The following FAM169A variants were observed in gnomAD, a reference collection of about 807,000 sequenced individuals.
FAM169A encodes family with sequence similarity 169 member A.
In FAM169A, 24 loss-of-function variants were observed where a neutral mutation model predicts 75.7. The observed-to-expected ratio is 0.32, with a 90% CI of 0.23 to 0.45. FAM169A has a LOEUF of 0.45. Among genes scored for constraint, FAM169A ranks in the 20% least tolerant of loss-of-function variants. The pLI is 1.00. For synonymous variants in FAM169A, 271 were observed against 271.0 expected (o/e 1.00, Z 0.00); for missense variants, 673 against 784.0 (o/e 0.86, Z 1.69).
In FAM169A at chr5:74,859,371, C is replaced by A. The variant is rs111979427; in HGVS notation, c.-4+6794G>T. ...GTGGCACAATCTCAGCTCACTGCAA[C>A]CTCCACCTCCTGGATTCAAGCAATT... On this transcript the variant is annotated intron_variant, in intron 1 of 12. Coordinates refer to ENST00000687041, the MANE Select transcript of FAM169A (RefSeq NM_001376049.1). Among the ~76,000 whole-genome samples, 653 of 141,592 alleles carry A rather than the reference C, an allele frequency of 4.6e-3. 6 individuals carry two copies. The highest frequency in any genetic ancestry group is 8.1e-3 in the Non-Finnish European group (531 of 65,618). The allele number at this position is 141,592 out of a possible 152,430, so 92.9% of individuals were successfully genotyped here.
chr5:74,845,314 C>T (rs1373961860), intron 1 of FAM169A, among the ~76,000 whole-genome samples: 4 of 151,932 alleles, frequency 2.6e-5, no homozygotes, highest in African/African-American at 4.8e-5. Context: ...GTCAGGAGAT[C>T]GAGACCATCC....
intron 6 of FAM169A, among the ~76,000 whole-genome samples, chr5:74,808,047 T>A (rs1280147650): frequency 1.3e-5 from 2 of 152,156 alleles, no homozygotes; most frequent in Non-Finnish European, 2.9e-5. Flanking sequence ...ACAGCCACAG[T>A]GGAAAACAGT....
chr5:74,827,206 T>C (rs917485928), intron 5 of FAM169A, among the ~76,000 whole-genome samples: 3 of 152,166 alleles, frequency 2.0e-5, no homozygotes, highest in African/African-American at 7.2e-5. Context: ...TTTTTCCCTT[T>C]GCAGTTAATA....
chr5:74,819,271 TAC>T (rs1747650196), intron 5 of FAM169A, among the ~76,000 whole-genome samples: 1 of 149,238 alleles, frequency 6.7e-6, no homozygotes, highest in South Asian at 2.1e-4. Context: ...TCAAAGAAGA[TAC>T]ACAAATGGCC....
intron 4 of FAM169A, among the ~76,000 whole-genome samples, chr5:74,837,160 T>C (rs549676904): frequency 6.6e-6 from 1 of 152,192 alleles, no homozygotes; most frequent in Non-Finnish European, 1.5e-5. Context: ...TTCATATCTA[T>C]AATATGCCAA....
In FAM169A at chr5:74,780,411, G is replaced by A. The variant is rs544076090; in HGVS notation, c.*1049C>T. 2.6e-5 allele frequency: 4 copies of A among 152,386 alleles called. No individual in the cohort carries two copies. Among genetic ancestry groups the A allele is most frequent in the Admixed American group, 1.3e-4 (2 of 15,306 alleles). 9.4% of individuals were successfully genotyped at this position (152,386 alleles called of 1,614,324 possible). A position where few individuals can be genotyped will look rare whatever the true frequency, so the allele number is the denominator to read the frequency against. ...AAGCCGGCAGGCAGGAAGATCTGTT[G>A]ATTGGAGAATCACTCCATGAGTTAC... On this transcript the variant is annotated 3_prime_UTR_variant, in exon 13 of 13. Coordinates refer to ENST00000687041, the MANE Select transcript of FAM169A (RefSeq NM_001376049.1).
At chr5:74,811,732 C>T (rs1298726942) in intron 6 of FAM169A, among the ~76,000 whole-genome samples, 2 of 152,064 alleles carry the variant, frequency 1.3e-5, no homozygotes. Context: ...AAAACAAACC[C>T]ACTAATGGTT....
chr5:74,849,884 C>T (rs1488301943), intron 1 of FAM169A, among the ~76,000 whole-genome samples: 3 of 152,198 alleles, frequency 2.0e-5, no homozygotes, highest in African/African-American at 7.2e-5. Context: ...GGCCTCAACA[C>T]TGTTCAGCAA....
chr5:74,803,544 A>G (rs189443207), intron 8 of FAM169A, among the ~76,000 whole-genome samples: 2 of 152,304 alleles, frequency 1.3e-5, no homozygotes, highest in Non-Finnish European at 2.9e-5. Flanking sequence ...CACACGTACA[A>G]CATATGTAGT....
intron 11 of FAM169A, among the ~76,000 whole-genome samples, chr5:74,788,118 A>G (rs1317171370): frequency 6.6e-6 from 1 of 152,164 alleles, no homozygotes; most frequent in Non-Finnish European, 1.5e-5. Context: ...ACTGGCTCTG[A>G]GCTGACGTTG....
intron 1 of FAM169A, among the ~76,000 whole-genome samples, chr5:74,863,888 T>C (rs1376014052): frequency 6.6e-6 from 1 of 151,774 alleles, no homozygotes; most frequent in African/African-American, 2.4e-5. Context: ...AAAAAAAAAA[T>C]CTCATTCCCC....
At chr5:74,862,008 T>C (rs1232918504) in intron 1 of FAM169A, among the ~76,000 whole-genome samples, 1 of 152,078 alleles carries the variant, frequency 6.6e-6, no homozygotes, top group African/African-American at 2.4e-5. Flanking sequence ...CCAGTCTGTG[T>C]GACACCAAAG....
chr5:74,808,055 A>G (rs1232701680), intron 6 of FAM169A, among the ~76,000 whole-genome samples: 1 of 152,178 alleles, frequency 6.6e-6, no homozygotes, highest in Non-Finnish European at 1.5e-5. Context: ...AGTGGAAAAC[A>G]GTTTGACAGT....
At chr5:74,782,700 TAAAAG>T (rs1745472287) in intron 12 of FAM169A, among the ~76,000 whole-genome samples, 1 of 152,190 alleles carries the variant, frequency 6.6e-6, no homozygotes, top group Non-Finnish European at 1.5e-5. Flanking sequence ...TACAAAGTAT[TAAAAG>T]TAATAAAACT....
chr5:74,825,887 T>C (rs1316026795), intron 5 of FAM169A, among the ~76,000 whole-genome samples: 1 of 152,162 alleles, frequency 6.6e-6, no homozygotes, highest in African/African-American at 2.4e-5. Context: ...TATGAGTGTA[T>C]CTTAATTCAT....
chr5:74,865,277 A>G (rs2112767145), intron 1 of FAM169A: 1 of 152,334 alleles, frequency 6.6e-6, no homozygotes, highest in East Asian at 1.9e-4. Context: ...CCTTCTGGAA[A>G]TTTTTTAGAA....
chr5:74,792,974 C>A (rs1561290568), intron 11 of FAM169A, among the ~76,000 whole-genome samples: 1 of 152,176 alleles, frequency 6.6e-6, no homozygotes, highest in African/African-American at 2.4e-5. Flanking sequence ...CAATTTGCAA[C>A]TGCAAAAAAT....
chr5:74,857,108 CAAAAAAA>C (rs772315121), intron 1 of FAM169A, among the ~76,000 whole-genome samples: 22 of 67,902 alleles, frequency 3.2e-4, no homozygotes, highest in South Asian at 5.6e-4. Flanking sequence ...GACTCCACCT[CAAAAAAA>C]AAAAAAAAAA....
chr5:74,826,666 T>C (rs1224902025), intron 5 of FAM169A, among the ~76,000 whole-genome samples: 2 of 152,184 alleles, frequency 1.3e-5, no homozygotes, highest in Non-Finnish European at 2.9e-5. Flanking sequence ...AATTGTAGAC[T>C]TATAGAAAAG....
Sources: allele counts gnomAD v4.1 joint callset (sites outside exome capture counted in the v4.1 genomes callset), GRCh38; gene constraint gnomAD v4.1.1; transcripts MANE v1.5; gene names NCBI Gene and HGNC (gene_info 2026-07-23, HGNC 2026-07-21).